Variants in WWC2 observed in about 807,000 individuals in gnomAD.
The protein encoded by WWC2 is WW and C2 domain containing 2.
Under a neutral mutation model 138.5 loss-of-function variants are expected in WWC2, and 101 were observed. That is an observed-to-expected ratio of 0.73 (90% CI 0.62 to 0.86). The LOEUF (loss-of-function observed/expected upper bound fraction) is 0.86. Among genes scored for constraint, WWC2 ranks in the 40% least tolerant of loss-of-function variants. The pLI is 0.00. For missense variants in WWC2, 1,420 were observed against 1,419.4 expected, an observed-to-expected ratio of 1.00 and a Z score of -0.01; for synonymous variants, 558 against 538.4, an observed-to-expected ratio of 1.04 and a Z score of -0.50.
chr4:183,247,096 C>T (rs1182044013), intron 6 of WWC2, among the ~76,000 whole-genome samples: 1 of 152,146 alleles, frequency 6.6e-6, no homozygotes, highest in African/African-American at 2.4e-5. Flanking sequence ...GACTTTCAAA[C>T]CTCTTTGACC....
chr4:183,120,598 G>A (rs952598810), intron 1 of WWC2, among the ~76,000 whole-genome samples: 1 of 152,112 alleles, frequency 6.6e-6, no homozygotes, highest in Non-Finnish European at 1.5e-5. Flanking sequence ...AGAAGAAAAT[G>A]TTCAAATATT....
chr4:183,164,333 ATATACATATATATATT>A, intron 1 of WWC2, among the ~76,000 whole-genome samples: 1 of 746 alleles, frequency 1.3e-3, no homozygotes, highest in African/African-American at 2.5e-3. Context: ...ATATATATAT[ATATACATATATATATT>A]ATATATACAT....
intron 1 of WWC2, among the ~76,000 whole-genome samples, chr4:183,177,160 A>G (rs1170966230): frequency 6.6e-6 from 1 of 152,096 alleles, no homozygotes; most frequent in Non-Finnish European, 1.5e-5. Flanking sequence ...ATGCCATGAT[A>G]GATAGTGACT....
chr4:183,293,662 G>A (rs114053940), intron 21 of WWC2, among the ~76,000 whole-genome samples: 1 of 152,164 alleles, frequency 6.6e-6, no homozygotes, highest in East Asian at 1.9e-4. Context: ...AAATAAAGCT[G>A]CCATTATCTA....
chr4:183,216,233 A>G (rs914582465), intron 4 of WWC2, among the ~76,000 whole-genome samples: 8 of 152,182 alleles, frequency 5.3e-5, no homozygotes, highest in Non-Finnish European at 1.2e-4. Context: ...TCGGGTGCAC[A>G]TTTATTTCTA....
At chr4:183,210,930 C>A (rs1024517944) in intron 4 of WWC2, among the ~76,000 whole-genome samples, 1 of 152,216 alleles carries the variant, frequency 6.6e-6, no homozygotes, top group Non-Finnish European at 1.5e-5. Context: ...CTGTACATAT[C>A]TCAGTGGATA....
intron 21 of WWC2, among the ~76,000 whole-genome samples, chr4:183,310,387 T>C (rs765426798): frequency 2.2e-4 from 34 of 152,206 alleles, no homozygotes; most frequent in Admixed American, 7.2e-4. Flanking sequence ...TGTTTTTCAG[T>C]GTTATGTGAC....
intron 9 of WWC2, among the ~76,000 whole-genome samples, chr4:183,258,270 A>C (rs1458925879): frequency 2.6e-5 from 4 of 152,042 alleles, no homozygotes; most frequent in Admixed American, 6.6e-5. Flanking sequence ...GTTTTTATTT[A>C]TATTTGAAAG....
At chr4:183,171,912 C>T (rs1264030928) in intron 1 of WWC2, among the ~76,000 whole-genome samples, 1 of 152,144 alleles carries the variant, frequency 6.6e-6, no homozygotes, top group Non-Finnish European at 1.5e-5. Context: ...CCCTCATCCT[C>T]TTGGTGTTTT....
At chr4:183,306,192 G>A (rs2111110150) in intron 21 of WWC2, among the ~76,000 whole-genome samples, 1 of 152,256 alleles carries the variant, frequency 6.6e-6, no homozygotes, top group African/African-American at 2.4e-5. Context: ...GCCACAAAAG[G>A]CAGTGAAAGA....
chr4:183,117,769 C>T (rs1192461700), intron 1 of WWC2, among the ~76,000 whole-genome samples: 2 of 151,742 alleles, frequency 1.3e-5, no homozygotes, highest in Non-Finnish European at 2.9e-5. Context: ...CATGCCCAGC[C>T]CGCAGACCTT....
chr4:183,142,173 A>G (rs1354023814), intron 1 of WWC2, among the ~76,000 whole-genome samples: 1 of 152,252 alleles, frequency 6.6e-6, no homozygotes, highest in Non-Finnish European at 1.5e-5. Flanking sequence ...CAGAGGCCCC[A>G]TACCTGGGAT....
At chr4:183,110,554 A>G (rs1274847974) in intron 1 of WWC2, among the ~76,000 whole-genome samples, 1 of 151,854 alleles carries the variant, frequency 6.6e-6, no homozygotes, top group Non-Finnish European at 1.5e-5. Context: ...ATGCACTAAC[A>G]GAGTTATGTA....
chr4:183,276,304 A>G (rs185216207), intron 16 of WWC2, among the ~76,000 whole-genome samples: 1 of 152,078 alleles, frequency 6.6e-6, no homozygotes, highest in African/African-American at 2.4e-5. Context: ...TATTTAACTC[A>G]TTTACTTTTA....
chr4:183,300,270 G>C (rs1378087585), intron 21 of WWC2, among the ~76,000 whole-genome samples: 1 of 152,096 alleles, frequency 6.6e-6, no homozygotes, highest in Admixed American at 6.5e-5. Flanking sequence ...CGTTGGGTGA[G>C]GGAAAAGCAT....
At chr4:183,136,261 A>G (rs1294061226) in intron 1 of WWC2, among the ~76,000 whole-genome samples, 5 of 151,910 alleles carry the variant, frequency 3.3e-5, no homozygotes, top group East Asian at 1.9e-4. Context: ...TACTTACTCT[A>G]TGGTCTATAC....
At chr4:183,254,968 G>A (rs911842135) in intron 9 of WWC2, among the ~76,000 whole-genome samples, 1 of 152,192 alleles carries the variant, frequency 6.6e-6, no homozygotes, top group Non-Finnish European at 1.5e-5. Flanking sequence ...TGAAAAGCAG[G>A]GGGAGGGAGA....
intron 2 of WWC2, among the ~76,000 whole-genome samples, chr4:183,195,915 A>G (rs992943728): frequency 2.0e-5 from 3 of 152,110 alleles, no homozygotes; most frequent in African/African-American, 4.8e-5. Flanking sequence ...TGTAATCTCC[A>G]GTGTTGGAGG....
chr4:183,259,779 C>G (rs1737268009), intron 10 of WWC2, 51 bp downstream of exon 10: 12 of 1,210,396 alleles, frequency 9.9e-6, no homozygotes, highest in East Asian at 2.6e-5. Flanking sequence ...ATAGCATGTT[C>G]TTGTTCATCT....
Sources: gnomAD v4.1 joint callset for allele counts (sites outside exome capture counted in the v4.1 genomes callset) on GRCh38, gnomAD v4.1.1 for gene constraint, MANE v1.5 for transcripts, NCBI Gene and HGNC (gene_info 2026-07-23, HGNC 2026-07-21) for gene names.